The following DCC variants were observed in gnomAD, a reference collection of about 807,000 sequenced individuals.
DCC encodes the protein DCC netrin 1 receptor.
A neutral mutation model predicts 172.5 loss-of-function variants in DCC; 58 were observed. That is an observed-to-expected ratio of 0.34 (90% CI 0.27 to 0.42). The LOEUF (loss-of-function observed/expected upper bound fraction) is 0.42. DCC is among the 10% of genes least tolerant of loss of function. The pLI, the probability that DCC is intolerant of heterozygous loss-of-function variation, is 1.00. For missense variants in DCC, 1,740 were observed against 1,791.0 expected, an observed-to-expected ratio of 0.97 and a Z score of 0.51; for synonymous variants, 709 against 644.5, an observed-to-expected ratio of 1.10 and a Z score of -1.52.
At chr18:53,523,779 G>T (rs1226785942) in intron 27 of DCC, among the ~76,000 whole-genome samples, 1 of 152,016 alleles carries the variant, frequency 6.6e-6, no homozygotes, top group Non-Finnish European at 1.5e-5. Flanking sequence ...CTGGGGGAGG[G>T]ATAGCATTAG....
intron 1 of DCC, among the ~76,000 whole-genome samples, chr18:52,399,381 C>T (rs1345528113): frequency 6.6e-6 from 1 of 151,798 alleles, no homozygotes; most frequent in African/African-American, 2.4e-5. Context: ...CCATTATAAG[C>T]AGATAAGAAA....
chr18:52,933,305 A>G (rs984296111), intron 5 of DCC, among the ~76,000 whole-genome samples: 6 of 152,066 alleles, frequency 3.9e-5, no homozygotes, highest in African/African-American at 1.4e-4. Context: ...AGGTAGGGAA[A>G]AAGACAAGAA....
chr18:53,226,948 A>ATATATATATATATATATTTTT, intron 12 of DCC, among the ~76,000 whole-genome samples: 1 of 52,950 alleles, frequency 1.9e-5, no homozygotes, highest in African/African-American at 9.4e-5. Context: ...ATATATATAT[A>ATATATATATATATATATTTTT]TTTTTTTTTT....
chr18:53,460,627 T>C (rs1292299594), intron 24 of DCC, among the ~76,000 whole-genome samples: 1 of 152,116 alleles, frequency 6.6e-6, no homozygotes, highest in Non-Finnish European at 1.5e-5. Flanking sequence ...TTTTTATGGC[T>C]GCATAGTATT....
chr18:53,255,097 C>T (rs1419610949), intron 12 of DCC, among the ~76,000 whole-genome samples: 1 of 151,982 alleles, frequency 6.6e-6, no homozygotes, highest in Non-Finnish European at 1.5e-5. Context: ...CCAAGATATT[C>T]CCAGGGATCA....
chr18:52,451,645 C>T (rs1297276552), intron 1 of DCC, among the ~76,000 whole-genome samples: 2 of 151,948 alleles, frequency 1.3e-5, no homozygotes, highest in East Asian at 3.9e-4. Context: ...AATAGGAGGA[C>T]CAAAATACAT....
intron 24 of DCC, among the ~76,000 whole-genome samples, chr18:53,462,278 C>A (rs1280615907): frequency 6.6e-6 from 1 of 152,104 alleles, no homozygotes; most frequent in African/African-American, 2.4e-5. Flanking sequence ...GGCAAAAGAG[C>A]AAAGCTTCAT....
chr18:53,441,745 G>A (rs546606824), intron 22 of DCC, among the ~76,000 whole-genome samples: 1 of 152,148 alleles, frequency 6.6e-6, no homozygotes, highest in Non-Finnish European at 1.5e-5. Context: ...TAACCTCTTA[G>A]CTGATCTCCA....
intron 1 of DCC, among the ~76,000 whole-genome samples, chr18:52,433,147 C>A (rs1258749935): frequency 6.6e-6 from 1 of 151,894 alleles, no homozygotes; most frequent in African/African-American, 2.4e-5. Flanking sequence ...TATTTGAGAG[C>A]TGTATATTTA....
chr18:53,520,967 C>A (rs2046392837), intron 27 of DCC, among the ~76,000 whole-genome samples: 1 of 152,008 alleles, frequency 6.6e-6, no homozygotes, highest in Non-Finnish European at 1.5e-5. Flanking sequence ...TGTTTAAATT[C>A]TTTGTCTCTA....
intron 1 of DCC, among the ~76,000 whole-genome samples, chr18:52,545,577 T>G (rs906823344): frequency 6.6e-6 from 1 of 152,206 alleles, no homozygotes; most frequent in African/African-American, 2.4e-5. Flanking sequence ...TAATGAACAT[T>G]GAAGGAAATA....
intron 1 of DCC, among the ~76,000 whole-genome samples, chr18:52,431,147 T>C (rs1446697842): frequency 2.6e-5 from 4 of 152,102 alleles, no homozygotes; most frequent in African/African-American, 4.8e-5. Context: ...ATGTAAATCC[T>C]TGGACACTCA....
chr18:53,322,462 C>T (rs1440321673), intron 14 of DCC, among the ~76,000 whole-genome samples: 2 of 152,066 alleles, frequency 1.3e-5, no homozygotes, highest in Admixed American at 1.3e-4. Flanking sequence ...GAATAACTGA[C>T]CTTAACCATT....
chr18:52,890,462 A>C (rs1402672828), intron 2 of DCC, among the ~76,000 whole-genome samples: 1 of 152,156 alleles, frequency 6.6e-6, no homozygotes, highest in Non-Finnish European at 1.5e-5. Context: ...AACCGCCTAA[A>C]ACAGCTCACT....
intron 17 of DCC, 133 bp downstream of exon 17, chr18:53,392,020 T>G: frequency 2.9e-6 from 2 of 684,614 alleles, no homozygotes; most frequent in South Asian, 3.1e-5. Flanking sequence ...AGCATTTTAA[T>G]AACTCAATAT....
At chr18:52,990,959 C>T (rs2041379727) in intron 5 of DCC, among the ~76,000 whole-genome samples, 1 of 152,114 alleles carries the variant, frequency 6.6e-6, no homozygotes, top group African/African-American at 2.4e-5. Flanking sequence ...ATTAATTTTC[C>T]TAGTTTATTG....
intron 23 of DCC, among the ~76,000 whole-genome samples, chr18:53,458,156 C>T (rs1017948757): frequency 1.3e-5 from 2 of 152,118 alleles, no homozygotes; most frequent in African/African-American, 4.8e-5. Context: ...GCTGTCAAAA[C>T]TAGATTTTAA....
chr18:53,006,879 C>A (rs143527521), intron 5 of DCC, among the ~76,000 whole-genome samples: 1 of 152,130 alleles, frequency 6.6e-6, no homozygotes, highest in Non-Finnish European at 1.5e-5. Flanking sequence ...ATGGTCATAA[C>A]GTTTTGCAGC....
intron 5 of DCC, among the ~76,000 whole-genome samples, chr18:52,960,104 G>GCACA (rs918257390): frequency 6.6e-6 from 1 of 151,876 alleles, no homozygotes; most frequent in African/African-American, 2.4e-5. Flanking sequence ...ATGCACACAC[G>GCACA]CACACACACA....
Sources: allele counts gnomAD v4.1 joint callset (sites outside exome capture counted in the v4.1 genomes callset), GRCh38; gene constraint gnomAD v4.1.1; transcripts MANE v1.5; gene names NCBI Gene and HGNC (gene_info 2026-07-23, HGNC 2026-07-21).